The following CDH20 variants were observed in gnomAD, a reference collection of about 807,000 sequenced individuals.
CDH20 encodes cadherin-20.
CDH20 carries 29 observed loss-of-function variants against 74.2 expected under a neutral mutation model. The observed-to-expected ratio is 0.39, with a 90% CI of 0.29 to 0.53. CDH20 has a LOEUF of 0.53. Among genes scored for constraint, CDH20 ranks in the 20% least tolerant of loss-of-function variants. CDH20 has a pLI of 0.69. For missense variants in CDH20, 988 were observed against 1,048.3 expected (o/e 0.94, Z 0.79); for synonymous variants, 469 against 405.4 (o/e 1.16, Z -1.88).
chr18:61,371,177 T>C (rs909852640), intron 1 of CDH20, among the ~76,000 whole-genome samples: 1 of 152,116 alleles, frequency 6.6e-6, no homozygotes, highest in Non-Finnish European at 1.5e-5. Context: ...AGAGGATTAG[T>C]AACCTGTAAT....
At position 61,474,503 on chromosome 18, in the gene CDH20, C is replaced by T. The variant is rs1312447290; in HGVS notation, c.-152-15899C>T. On this transcript the variant is annotated intron_variant, in intron 1 of 11. Coordinates refer to ENST00000262717, the MANE Select transcript of CDH20 (RefSeq NM_031891.4). ...CTTTTCGTTGTGTAGCTCTCAGAAA[C>T]TGACAACTTCTGGAGAGGATCCCAG... Among the ~76,000 whole-genome samples, 8 of 152,060 alleles carry T rather than the reference C, an allele frequency of 5.3e-5. No individual in the cohort carries two copies. In the South Asian group the frequency reaches 1.2e-3, roughly 24 times the overall value.
intron 1 of CDH20, among the ~76,000 whole-genome samples, chr18:61,387,643 C>T (rs1416308192): frequency 6.6e-6 from 1 of 152,066 alleles, no homozygotes; most frequent in Non-Finnish European, 1.5e-5. Flanking sequence ...TGAGCAAACC[C>T]CTTCTTTATT....
chr18:61,509,510 C>CTTGA (rs2097803373), intron 6 of CDH20, among the ~76,000 whole-genome samples: 2 of 152,068 alleles, frequency 1.3e-5, no homozygotes, highest in South Asian at 4.1e-4. Context: ...ACAGTGGGGT[C>CTTGA]ATAAGGCTGA....
intron 6 of CDH20, among the ~76,000 whole-genome samples, chr18:61,527,366 A>AATAGATAGATAGATAGATAGTTAGATG (rs1555683332): frequency 3.5e-5 from 5 of 142,054 alleles, no homozygotes; most frequent in Non-Finnish European, 7.7e-5. Context: ...TGAATATTCT[A>AATAGATAGATAGATAGATAGTTAGATG]ATAGATAGAT....
At chr18:61,414,018 A>G (rs1912602211) in intron 1 of CDH20, among the ~76,000 whole-genome samples, 1 of 152,108 alleles carries the variant, frequency 6.6e-6, no homozygotes, top group Admixed American at 6.5e-5. Context: ...TTGATTTCTC[A>G]CTCTGCTCTG....
At chr18:61,433,307 T>C (rs1908719793) in intron 1 of CDH20, among the ~76,000 whole-genome samples, 1 of 152,212 alleles carries the variant, frequency 6.6e-6, no homozygotes, top group Non-Finnish European at 1.5e-5. Flanking sequence ...ACCTTGTGTT[T>C]TGTTCAACAA....
rs1034165394 is a variant in CDH20, at chr18:61,353,117, T to C, written c.-153+19290T>C. 6.6e-6 allele frequency among the ~76,000 whole-genome samples: 1 copy of C among 152,226 alleles called. No homozygotes were observed. The highest frequency in any genetic ancestry group is 2.4e-5 in the African/African-American group (1 of 41,466). On this transcript the variant is annotated intron_variant, in intron 1 of 11. Coordinates refer to ENST00000262717, the MANE Select transcript of CDH20 (RefSeq NM_031891.4). This position sits in a 1 kb window ranked among gnomAD's most constrained non-coding sequence, Gnocchi z 4.6. ...ACCTCCCCTGCAATCACCTCCATGA[T>C]GTGTGCCCCAACAAAGGCGCGGGTC... is the stretch of plus-strand genomic sequence containing the variant.
chr18:61,461,328 TAAAAAA>T (rs33964985), intron 1 of CDH20, among the ~76,000 whole-genome samples: 1 of 129,506 alleles, frequency 7.7e-6, no homozygotes, highest in African/African-American at 2.7e-5. Flanking sequence ...CTGGGTGACT[TAAAAAA>T]AAAAAAAAAA....
intron 8 of CDH20, among the ~76,000 whole-genome samples, chr18:61,537,486 A>T (rs1381315190): frequency 6.6e-6 from 1 of 152,240 alleles, no homozygotes; most frequent in Non-Finnish European, 1.5e-5. Context: ...GTAAAATGAC[A>T]ATATAATACA....
chr18:61,373,562 T>C (rs1253318679), intron 1 of CDH20, among the ~76,000 whole-genome samples: 3 of 152,244 alleles, frequency 2.0e-5, no homozygotes, highest in East Asian at 3.9e-4. Flanking sequence ...TTCCAAAGCA[T>C]GGGACACACC....
At chr18:61,544,601 G>C (rs969049518) in intron 9 of CDH20, among the ~76,000 whole-genome samples, 9 of 152,124 alleles carry the variant, frequency 5.9e-5, no homozygotes, top group Admixed American at 5.2e-4. Context: ...CAACTGTCCC[G>C]GGCTGAACTT....
intron 1 of CDH20, among the ~76,000 whole-genome samples, chr18:61,358,311 G>A (rs901252023): frequency 1.3e-5 from 2 of 151,342 alleles, no homozygotes; most frequent in South Asian, 2.1e-4. Flanking sequence ...TAGTAGAGAC[G>A]GTGTTTCACC....
chr18:61,373,241 C>T (rs1911104066), intron 1 of CDH20, among the ~76,000 whole-genome samples: 1 of 151,684 alleles, frequency 6.6e-6, no homozygotes, highest in South Asian at 2.1e-4. Context: ...CCCCCTACCC[C>T]ACCCCCATCT....
intron 6 of CDH20, among the ~76,000 whole-genome samples, chr18:61,509,533 A>C (rs567979910): frequency 6.6e-6 from 1 of 152,244 alleles, no homozygotes; most frequent in African/African-American, 2.4e-5. Context: ...GGAGGGGGGA[A>C]CTCTTAGGAG....
intron 1 of CDH20, among the ~76,000 whole-genome samples, chr18:61,391,188 T>A (rs982499430): frequency 6.6e-6 from 1 of 152,026 alleles, no homozygotes; most frequent in Non-Finnish European, 1.5e-5. Context: ...TACAAAATAA[T>A]AAATATAAAT....
intron 1 of CDH20, among the ~76,000 whole-genome samples, chr18:61,478,254 G>T (rs1910462144): frequency 6.6e-6 from 1 of 150,848 alleles, no homozygotes; most frequent in Non-Finnish European, 1.5e-5. Context: ...TTTTATTTCT[G>T]CCTTTCTGAA....
At chr18:61,334,023 G>A (rs1198616391) in intron 1 of CDH20, among the ~76,000 whole-genome samples, 196 bp downstream of exon 1, 2 of 152,174 alleles carry the variant, frequency 1.3e-5, no homozygotes, top group Non-Finnish European at 2.9e-5. Flanking sequence ...AGTGGGAGAA[G>A]GGGTTGGAAA....
At chr18:61,460,467 C>A (rs1372848099) in intron 1 of CDH20, among the ~76,000 whole-genome samples, 1 of 152,196 alleles carries the variant, frequency 6.6e-6, no homozygotes, top group African/African-American at 2.4e-5. Context: ...GGAGGAGCAG[C>A]TCACAGAAGC....
intron 1 of CDH20, among the ~76,000 whole-genome samples, chr18:61,476,466 T>A (rs1302145555): frequency 1.3e-5 from 2 of 152,134 alleles, no homozygotes; most frequent in African/African-American, 4.8e-5. Context: ...CATAGAAAAC[T>A]GTGAAAATTA....
Sources: allele counts gnomAD v4.1 joint callset (sites outside exome capture counted in the v4.1 genomes callset), GRCh38; gene constraint gnomAD v4.1.1; non-coding constraint Gnocchi (gnomAD v3.1); transcripts MANE v1.5; gene names NCBI Gene and HGNC (gene_info 2026-07-23, HGNC 2026-07-21).